The following GRM7 variants were observed in gnomAD, a reference collection of about 807,000 sequenced individuals.
GRM7 encodes metabotropic glutamate receptor 7.
In GRM7, 35 loss-of-function variants were observed where a neutral mutation model predicts 84.5. The ratio of observed to expected loss-of-function variants is 0.41; its 90% CI spans 0.32 to 0.55. The LOEUF (loss-of-function observed/expected upper bound fraction) is 0.55. Ranked by LOEUF, GRM7 falls within the 20% of genes least tolerant of loss-of-function variation. The probability of loss-of-function intolerance (pLI) is 0.19; values close to 1 mark genes in which losing one functional copy is unlikely to be tolerated. For synonymous variants in GRM7, 487 were observed against 455.1 expected, an observed-to-expected ratio of 1.07 and a Z score of -0.89; for missense variants, 1,003 against 1,194.6, an observed-to-expected ratio of 0.84 and a Z score of 2.36.
intron 4 of GRM7, among the ~76,000 whole-genome samples, chr3:7,359,379 G>A (rs1693564353): frequency 7.6e-6 from 1 of 130,960 alleles, no homozygotes; most frequent in Non-Finnish European, 1.6e-5. Flanking sequence ...TGTTGCCCAT[G>A]GCTGGAGTGC....
At chr3:7,096,098 T>C (rs938095857) in intron 1 of GRM7, among the ~76,000 whole-genome samples, 16 of 152,180 alleles carry the variant, frequency 1.1e-4, no homozygotes, top group African/African-American at 3.9e-4. Context: ...TATGAAGTTC[T>C]ATCATGCCAG....
At chr3:7,177,035 T>A (rs1448433810) in intron 2 of GRM7, among the ~76,000 whole-genome samples, 1 of 152,196 alleles carries the variant, frequency 6.6e-6, no homozygotes, top group African/African-American at 2.4e-5. Context: ...TCTTTTCACA[T>A]AGACTCCAAA....
chr3:7,616,088 G>C (rs1426871408), intron 8 of GRM7, among the ~76,000 whole-genome samples: 8 of 151,980 alleles, frequency 5.3e-5, no homozygotes, highest in Non-Finnish European at 2.9e-5. Context: ...GAAGTGTCCT[G>C]AATTACCATG....
At chr3:7,011,928 C>G (rs1575127571) in intron 1 of GRM7, among the ~76,000 whole-genome samples, 1 of 152,142 alleles carries the variant, frequency 6.6e-6, no homozygotes, top group South Asian at 2.1e-4. Context: ...CATTTTTATT[C>G]TGTCCTTTGT....
intron 1 of GRM7, among the ~76,000 whole-genome samples, chr3:6,955,995 T>C (rs1049158263): frequency 1.3e-5 from 2 of 152,194 alleles, no homozygotes; most frequent in Non-Finnish European, 2.9e-5. Flanking sequence ...GAAATATTAA[T>C]ATCTGTGCTC....
At chr3:7,196,684 C>G (rs1285308292) in intron 2 of GRM7, among the ~76,000 whole-genome samples, 1 of 152,140 alleles carries the variant, frequency 6.6e-6, no homozygotes, top group Non-Finnish European at 1.5e-5. Context: ...CCAGTCTTAT[C>G]AGGCCCCCTT....
At chr3:7,533,418 G>C (rs1223319759) in intron 7 of GRM7, among the ~76,000 whole-genome samples, 1 of 152,150 alleles carries the variant, frequency 6.6e-6, no homozygotes, top group Non-Finnish European at 1.5e-5. Flanking sequence ...ATGAAATTAA[G>C]GCAGAAATAA....
chr3:7,391,251 G>A (rs1694980715), intron 4 of GRM7, among the ~76,000 whole-genome samples: 1 of 152,242 alleles, frequency 6.6e-6, no homozygotes, highest in African/African-American at 2.4e-5. Context: ...ATGGCACTTA[G>A]GAGTAAGAGC....
At chr3:6,999,983 A>T (rs1428419143) in intron 1 of GRM7, among the ~76,000 whole-genome samples, 2 of 152,188 alleles carry the variant, frequency 1.3e-5, no homozygotes, top group African/African-American at 4.8e-5. Flanking sequence ...TCATTTTCAA[A>T]TTAAGATTTA....
chr3:7,008,664 A>G (rs1464524800), intron 1 of GRM7, among the ~76,000 whole-genome samples: 1 of 152,258 alleles, frequency 6.6e-6, no homozygotes, highest in East Asian at 1.9e-4. Context: ...ATTCAAGTTT[A>G]TATCTACAAT....
chr3:7,104,222 G>T (rs1320344509), intron 1 of GRM7, among the ~76,000 whole-genome samples: 1 of 149,540 alleles, frequency 6.7e-6, no homozygotes, highest in East Asian at 1.9e-4. Context: ...ACCAAAAAGT[G>T]CCTTTTTTTT....
chr3:7,698,415 C>G (rs1003638635), intron 9 of GRM7, among the ~76,000 whole-genome samples: 9 of 152,154 alleles, frequency 5.9e-5, no homozygotes, highest in Non-Finnish European at 8.8e-5. Context: ...CATTAGGCTC[C>G]TTTTACAGAT....
chr3:7,461,654 C>T lies in GRM7; in HGVS notation c.1447C>T (p.Gln483Ter). The T allele has an allele frequency of 6.2e-7, 1 of 1,613,288 alleles. No homozygotes were observed. The highest frequency in any genetic ancestry group is 1.3e-5 in the African/African-American group (1 of 75,000). ...TGGGCGTTATGACATCTTTCAGTAC[C>T]AGACCACAAACACCAGCAACCCGGG... ...APGRYDIFQY[Q>*]TTNTSNPGYR... The change falls in exon 7 of 10, where the codon CAG becomes TAG. Residue 483 changes from glutamine (Q) to a stop codon, truncating the protein, a stop_gained. Transcript: ENST00000357716. LOFTEE classifies it high-confidence loss of function.
chr3:6,917,602 A>G (rs1696986796), intron 1 of GRM7, among the ~76,000 whole-genome samples: 1 of 151,716 alleles, frequency 6.6e-6, no homozygotes, highest in African/African-American at 2.4e-5. Context: ...ACAAATGCTC[A>G]TAATTTTGTG....
At chr3:6,943,824 A>T (rs1013158166) in intron 1 of GRM7, among the ~76,000 whole-genome samples, 2 of 152,166 alleles carry the variant, frequency 1.3e-5, no homozygotes, top group Admixed American at 6.5e-5. Context: ...TGAAAAAGGT[A>T]ACTCAGTTTA....
intron 2 of GRM7, among the ~76,000 whole-genome samples, chr3:7,272,922 C>G (rs1553640649): frequency 6.6e-6 from 1 of 151,432 alleles, no homozygotes; most frequent in Admixed American, 6.6e-5. Flanking sequence ...TTCTAGTTTC[C>G]TAGGATAAAA....
chr3:7,628,268 C>A (rs1351371596), intron 8 of GRM7, among the ~76,000 whole-genome samples: 6 of 152,088 alleles, frequency 3.9e-5, no homozygotes, highest in Non-Finnish European at 8.8e-5. Flanking sequence ...GTGTGCCCAG[C>A]CTGGGGAGTG....
In GRM7 at chr3:7,244,501, AT is replaced by A. The variant is rs780508689; in HGVS notation, c.737-54175del. 1.2e-4 allele frequency among the ~76,000 whole-genome samples: 18 copies of A among 152,006 alleles called. No homozygotes were observed. The East Asian group carries it at 3.1e-3, about 26-fold the overall frequency. On this transcript the variant is annotated intron_variant, in intron 2 of 9. Transcript: ENST00000357716. ...TCAGCAGATATTTCAGCAACTGTCC[AT>A]TTTTTTTGAAGACAGGGCTTAGAGC...
At chr3:6,892,899 A>G (rs1232208929) in intron 1 of GRM7, 1 of 152,178 alleles carries the variant, frequency 6.6e-6, no homozygotes, top group Non-Finnish European at 1.5e-5. Flanking sequence ...AAATAGAAAG[A>G]TACAAAAATT....
Sources: allele counts gnomAD v4.1 joint callset (sites outside exome capture counted in the v4.1 genomes callset), GRCh38; gene constraint gnomAD v4.1.1; transcripts MANE v1.5; gene names NCBI Gene and HGNC (gene_info 2026-07-23, HGNC 2026-07-21).